FAM174A: variants seen among roughly 807,000 people sequenced by gnomAD.
FAM174A encodes family with sequence similarity 174 member A.
FAM174A carries 14 observed loss-of-function variants against 14.3 expected under a neutral mutation model. The observed-to-expected ratio is 0.98, with a 90% CI of 0.65 to 1.53. The LOEUF is 1.53. FAM174A is among the 40% of genes most tolerant of loss of function. The probability of loss-of-function intolerance (pLI) is 0.00; values close to 1 mark genes in which losing one functional copy is unlikely to be tolerated. For missense variants in FAM174A, 241 were observed against 249.6 expected (o/e 0.97, Z 0.23); for synonymous variants, 108 against 111.4 (o/e 0.97, Z 0.19).
At chr5:100,536,163 A>T (rs2112359373) in intron 1 of FAM174A, among the ~76,000 whole-genome samples, 199 bp downstream of exon 1, 1 of 152,346 alleles carries the variant, frequency 6.6e-6, no homozygotes. Flanking sequence ...CCTTTTGTTT[A>T]TAAATGAGTG....
intron 1 of FAM174A, among the ~76,000 whole-genome samples, chr5:100,559,456 C>A (rs1746476716): frequency 6.6e-6 from 1 of 151,986 alleles, no homozygotes; most frequent in African/African-American, 2.4e-5. Flanking sequence ...GTGGCGTTCT[C>A]TGTATTTCCT....
intron 2 of FAM174A, among the ~76,000 whole-genome samples, chr5:100,572,941 A>G (rs1365969572): frequency 6.6e-6 from 1 of 152,126 alleles, no homozygotes; most frequent in Non-Finnish European, 1.5e-5. Context: ...AATGATTGCC[A>G]TTCTAACTGG....
intron 2 of FAM174A, among the ~76,000 whole-genome samples, chr5:100,572,630 T>A (rs375739418): frequency 6.6e-6 from 1 of 152,062 alleles, no homozygotes; most frequent in South Asian, 2.1e-4. Flanking sequence ...ATGTGCCACA[T>A]TTTCTTAATC....
intron 2 of FAM174A, among the ~76,000 whole-genome samples, chr5:100,562,819 T>A (rs563287715): frequency 8.6e-5 from 13 of 151,924 alleles, no homozygotes; most frequent in Admixed American, 7.2e-4. Flanking sequence ...AGACCTTTCC[T>A]AAGAGGTTTA....
At chr5:100,563,097 T>C (rs1191087084) in intron 2 of FAM174A, among the ~76,000 whole-genome samples, 1 of 151,886 alleles carries the variant, frequency 6.6e-6, no homozygotes, top group African/African-American at 2.4e-5. Flanking sequence ...CATCTATCTA[T>C]CTAAGCTGTT....
intron 1 of FAM174A, among the ~76,000 whole-genome samples, chr5:100,556,119 A>G (rs1280269637): frequency 5.9e-5 from 9 of 152,156 alleles, no homozygotes; most frequent in African/African-American, 1.4e-4. Context: ...TAATTTTTGT[A>G]TAAGGTGTAA....
chr5:100,561,953 T>A, intron 1 of FAM174A, 101 bp from the exon 2 acceptor site: 1 of 659,374 alleles, frequency 1.5e-6, no homozygotes, highest in Non-Finnish European at 2.3e-6. Flanking sequence ...ATTCTGATAT[T>A]GTTTGCTATG....
Position 100,562,101 on chromosome 5 carries a change from C to G in FAM174A, c.482C>G (p.Thr161Ser). The change falls in exon 2 of 3, where the codon ACT becomes AGT. Residue 161 changes from threonine to serine, a missense_variant. Transcript: ENST00000312637. ...ACTAGGAGATATGGAGTTTTGGACA[C>G]TAACATAGAAAATATGGAATTGACA... ...RKTRRYGVLD[T>S]NIENMELTPL... 3 of 1,586,632 alleles carry G rather than the reference C, an allele frequency of 1.9e-6. No individual in the cohort carries two copies. The highest frequency in any genetic ancestry group is 2.6e-6 in the Non-Finnish European group (3 of 1,167,352).
intron 2 of FAM174A, among the ~76,000 whole-genome samples, chr5:100,577,589 A>G (rs1218805254): frequency 6.6e-6 from 1 of 152,132 alleles, no homozygotes; most frequent in Non-Finnish European, 1.5e-5. Context: ...ATCAATTTGA[A>G]AATACTGTAG....
chr5:100,536,103 C>G (rs1304959136), intron 1 of FAM174A, 139 bp downstream of exon 1: 1 of 748,180 alleles, frequency 1.3e-6, no homozygotes, highest in Non-Finnish European at 2.0e-6. Context: ...TATTGACTTT[C>G]TTAAAGGCCT....
chr5:100,550,437 ATCTT>A (rs778115709), intron 1 of FAM174A, among the ~76,000 whole-genome samples: 3 of 152,148 alleles, frequency 2.0e-5, no homozygotes, highest in Non-Finnish European at 4.4e-5. Context: ...AAATTTAGAT[ATCTT>A]TCTTATACAG....
At chr5:100,556,049 TTTC>T (rs1273108047) in intron 1 of FAM174A, among the ~76,000 whole-genome samples, 1 of 152,296 alleles carries the variant, frequency 6.6e-6, no homozygotes, top group East Asian at 1.9e-4. Context: ...TTGCCTAGGT[TTTC>T]TTCTAGGGTT....
chr5:100,559,215 A>T (rs1746470901), intron 1 of FAM174A, among the ~76,000 whole-genome samples: 1 of 152,162 alleles, frequency 6.6e-6, no homozygotes, highest in South Asian at 2.1e-4. Context: ...TTGGCTGGAT[A>T]TGAAATTCGT....
chr5:100,551,236 A>G (rs1746256339), intron 1 of FAM174A, among the ~76,000 whole-genome samples: 1 of 152,196 alleles, frequency 6.6e-6, no homozygotes, highest in African/African-American at 2.4e-5. Context: ...TCAGACCTCC[A>G]TTCAAGAGAA....
At chr5:100,556,268 T>TA (rs1459070417) in intron 1 of FAM174A, among the ~76,000 whole-genome samples, 47 of 152,314 alleles carry the variant, frequency 3.1e-4, no homozygotes, top group African/African-American at 1.1e-3. Flanking sequence ...GTGGCATTAT[T>TA]TCTGAGGGCT....
intron 2 of FAM174A, among the ~76,000 whole-genome samples, chr5:100,569,177 A>T (rs1356933724): frequency 6.6e-6 from 1 of 151,730 alleles, no homozygotes; most frequent in Non-Finnish European, 1.5e-5. Context: ...TGTATTTCTT[A>T]TGTTTACCTC....
At chr5:100,565,624 C>T (rs1746627444) in intron 2 of FAM174A, among the ~76,000 whole-genome samples, 1 of 151,732 alleles carries the variant, frequency 6.6e-6, no homozygotes, top group Non-Finnish European at 1.5e-5. Flanking sequence ...TATGATTTAG[C>T]AGTTTTGCTG....
chr5:100,556,374 A>C (rs527791253), intron 1 of FAM174A, among the ~76,000 whole-genome samples: 17 of 152,218 alleles, frequency 1.1e-4, no homozygotes, highest in Non-Finnish European at 4.4e-5. Flanking sequence ...GTCAGGTAGC[A>C]TGATGCCTCC....
chr5:100,579,200 CAGTT>C (rs1746958682), intron 2 of FAM174A, among the ~76,000 whole-genome samples: 1 of 151,956 alleles, frequency 6.6e-6, no homozygotes, highest in Non-Finnish European at 1.5e-5. Context: ...CTGAAAATTC[CAGTT>C]AGTTCAGTTG....
Sources: allele counts gnomAD v4.1 joint callset (sites outside exome capture counted in the v4.1 genomes callset), GRCh38; gene constraint gnomAD v4.1.1; transcripts MANE v1.5; gene names NCBI Gene and HGNC (gene_info 2026-07-23, HGNC 2026-07-21).